Variants in MDFIC observed in about 807,000 individuals in gnomAD.
MDFIC encodes the protein MyoD family inhibitor domain containing, also known as myoD family inhibitor domain-containing protein.
In MDFIC, 17 loss-of-function variants were observed where a neutral mutation model predicts 23.2. That is an observed-to-expected ratio of 0.73 (90% CI 0.50 to 1.10). The LOEUF (loss-of-function observed/expected upper bound fraction) is 1.10. MDFIC is among the 50% of genes least tolerant of loss of function. The pLI, the probability that MDFIC is intolerant of heterozygous loss-of-function variation, is 0.00. For missense variants in MDFIC, 356 were observed against 316.6 expected (o/e 1.12, Z -0.95); for synonymous variants, 120 against 115.2 (o/e 1.04, Z -0.27).
chr7:114,932,146 C>T (rs901318040), intron 2 of MDFIC, among the ~76,000 whole-genome samples: 10 of 152,102 alleles, frequency 6.6e-5, no homozygotes, highest in Non-Finnish European at 1.3e-4. Flanking sequence ...TAGGAGTTTA[C>T]AATATAAAAT....
chr7:114,972,998 G>T (rs986680083), intron 3 of MDFIC, among the ~76,000 whole-genome samples: 3 of 151,636 alleles, frequency 2.0e-5, no homozygotes, highest in Non-Finnish European at 4.4e-5. Context: ...TTAATAGATT[G>T]TTTATATTTT....
At chr7:115,014,308 AG>A (rs1200477994) in intron 4 of MDFIC, 1 of 985,288 alleles carries the variant, frequency 1.0e-6, no homozygotes, top group Non-Finnish European at 1.2e-6. Context: ...CTTTACCTGA[AG>A]CATTTGTAGC....
intron 3 of MDFIC, among the ~76,000 whole-genome samples, chr7:114,970,932 G>C (rs1423341145): frequency 6.6e-6 from 1 of 152,132 alleles, no homozygotes; most frequent in Non-Finnish European, 1.5e-5. Flanking sequence ...TTGAACCACA[G>C]CAAGCATGAC....
chr7:114,926,101 A>G (rs1185072071), intron 2 of MDFIC, among the ~76,000 whole-genome samples: 4 of 152,170 alleles, frequency 2.6e-5, no homozygotes, highest in African/African-American at 9.7e-5. Flanking sequence ...AAACATTTTA[A>G]AATTCGTGTT....
intron 4 of MDFIC, among the ~76,000 whole-genome samples, chr7:114,991,593 G>T (rs368440528): frequency 2.6e-5 from 4 of 152,102 alleles, no homozygotes; most frequent in South Asian, 2.1e-4. Context: ...CCAGCACCAT[G>T]TATTAAATAG....
At chr7:115,011,535 G>A (rs909090797) in intron 4 of MDFIC, among the ~76,000 whole-genome samples, 1 of 152,098 alleles carries the variant, frequency 6.6e-6, no homozygotes, top group African/African-American at 2.4e-5. Flanking sequence ...AGTTAGCAAA[G>A]GAGTGTTGGA....
chr7:114,946,057 C>T (rs1045178351), intron 3 of MDFIC, among the ~76,000 whole-genome samples: 1 of 152,060 alleles, frequency 6.6e-6, no homozygotes, highest in Admixed American at 6.5e-5. Flanking sequence ...TACAGTGAAG[C>T]GACACCATCA....
chr7:115,014,202 AG>A (rs1791744708), intron 4 of MDFIC: 1 of 985,334 alleles, frequency 1.0e-6, no homozygotes, highest in Non-Finnish European at 1.2e-6. Flanking sequence ...AGAGAAACAG[AG>A]GGGTGTTCAA....
At chr7:114,993,202 C>G (rs146044234) in intron 4 of MDFIC, among the ~76,000 whole-genome samples, 2,676 of 152,200 alleles carry the variant, frequency 0.018, 32 homozygotes, top group Non-Finnish European at 0.025. Flanking sequence ...GTGATATCCC[C>G]TTTATCATTT....
At chr7:114,947,807 T>C (rs1256053908) in intron 3 of MDFIC, among the ~76,000 whole-genome samples, 7 of 152,224 alleles carry the variant, frequency 4.6e-5, no homozygotes, top group Admixed American at 4.6e-4. Flanking sequence ...TTATGCCTCA[T>C]TGTCATTTTG....
At chr7:114,970,951 ATG>A (rs970579519) in intron 3 of MDFIC, among the ~76,000 whole-genome samples, 1 of 152,176 alleles carries the variant, frequency 6.6e-6, no homozygotes, top group African/African-American at 2.4e-5. Flanking sequence ...ACTTTTTGAA[ATG>A]TGTCTCTACA....
chr7:114,948,952 A>G (rs958832195), intron 3 of MDFIC, among the ~76,000 whole-genome samples: 1 of 152,168 alleles, frequency 6.6e-6, no homozygotes, highest in African/African-American at 2.4e-5. Context: ...TTTCCTCCAA[A>G]CAAAGCTTCT....
chr7:114,922,971 G>C lies in MDFIC; in HGVS notation c.-63G>C. 1.0e-5 allele frequency: 16 copies of C among 1,551,960 alleles called. No individual in the cohort carries two copies. The highest frequency in any genetic ancestry group is 1.4e-5 in the Non-Finnish European group (16 of 1,151,036). On this transcript the variant is annotated 5_prime_UTR_variant, in exon 2 of 5. Transcript: ENST00000393486. Reference sequence around the variant, plus strand: ...CCCAGCACCTCACAGCCCTTCCTCCGTGCGCCCTGCCGGGCGGCGAGCTAG... The same window carrying C: ...CCCAGCACCTCACAGCCCTTCCTCCCTGCGCCCTGCCGGGCGGCGAGCTAG...
intron 4 of MDFIC, chr7:115,014,653 GAATT>G (rs1251300175): frequency 3.1e-6 from 2 of 642,676 alleles, no homozygotes; most frequent in Non-Finnish European, 4.2e-6. Flanking sequence ...AAACAACCCA[GAATT>G]AATTCTGGTA....
intron 3 of MDFIC, among the ~76,000 whole-genome samples, chr7:114,970,204 A>G (rs150130178): frequency 1.3e-3 from 194 of 152,338 alleles, no homozygotes; most frequent in African/African-American, 4.4e-3. Flanking sequence ...GGGGACCTTC[A>G]TAGCCATCTC....
chr7:114,926,037 A>T (rs1356457076), intron 2 of MDFIC, among the ~76,000 whole-genome samples: 1 of 152,184 alleles, frequency 6.6e-6, no homozygotes. Context: ...ATTTTAAGAG[A>T]TAATGGATCT....
intron 4 of MDFIC, among the ~76,000 whole-genome samples, chr7:114,991,987 A>G (rs200194223): frequency 6.6e-5 from 10 of 152,122 alleles, no homozygotes; most frequent in African/African-American, 2.2e-4. Flanking sequence ...CATGAGCATG[A>G]AATGTTCTTC....
chr7:115,004,060 A>G (rs1266450399), intron 4 of MDFIC, among the ~76,000 whole-genome samples: 1 of 152,248 alleles, frequency 6.6e-6, no homozygotes, highest in Non-Finnish European at 1.5e-5. Context: ...AAAAAATACA[A>G]TAAAATATGG....
rs182294347 is a variant in MDFIC, at chr7:114,967,026, T to A, written c.218-12480T>A. On this transcript the variant is annotated intron_variant, in intron 3 of 4. Coordinates refer to ENST00000393486, the MANE Select transcript of MDFIC (RefSeq NM_001166345.3). Reference sequence around the variant, plus strand: ...GCAAATATGTAAAAAGTTCAAATTTTAAAAATTCTGGTAAATTTCTGGGTG... The same window carrying A: ...GCAAATATGTAAAAAGTTCAAATTTAAAAAATTCTGGTAAATTTCTGGGTG... Among the ~76,000 whole-genome samples the A allele has an allele frequency of 5.3e-3, 803 of 152,364 alleles. 7 individuals are homozygous for A. Among genetic ancestry groups the A allele is most frequent in the African/African-American group, 0.019 (772 of 41,588 alleles).
Sources: gnomAD v4.1 joint callset for allele counts (sites outside exome capture counted in the v4.1 genomes callset) on GRCh38, gnomAD v4.1.1 for gene constraint, MANE v1.5 for transcripts, NCBI Gene and HGNC (gene_info 2026-07-23, HGNC 2026-07-21) for gene names.